The following MSH3 variants were observed in gnomAD, a reference collection of about 807,000 sequenced individuals.
The protein encoded by MSH3 is DNA mismatch repair protein Msh3.
A neutral mutation model predicts 123.3 loss-of-function variants in MSH3; 106 were observed. The ratio of observed to expected loss-of-function variants is 0.86; its 90% CI spans 0.73 to 1.01. The LOEUF is 1.01. MSH3 is among the 50% of genes least tolerant of loss of function. The probability of loss-of-function intolerance (pLI) is 0.00; values close to 1 mark genes in which losing one functional copy is unlikely to be tolerated. For synonymous variants in MSH3, 515 were observed against 481.4 expected (o/e 1.07, Z -0.91); for missense variants, 1,459 against 1,347.6 (o/e 1.08, Z -1.29).
At chr5:80,798,482 G>C (rs1471312810) in intron 19 of MSH3, among the ~76,000 whole-genome samples, 1 of 152,148 alleles carries the variant, frequency 6.6e-6, no homozygotes, top group East Asian at 1.9e-4. Flanking sequence ...TTCATAAGCT[G>C]TTGACAATTT....
At chr5:80,789,534 C>T (rs1744572878) in intron 18 of MSH3, among the ~76,000 whole-genome samples, 1 of 152,134 alleles carries the variant, frequency 6.6e-6, no homozygotes, top group South Asian at 2.1e-4. Flanking sequence ...CCACGCCTGG[C>T]TAATTTTCAT....
In MSH3 at chr5:80,787,680, A is replaced by G; in HGVS notation, c.2543+8A>G. On this transcript the variant is annotated splice_region_variant and intron_variant, in intron 18 of 23. Transcript: ENST00000265081. Reference sequence around the variant, plus strand: ...GCAAGGAGATTACTGCAGGTAAGATATTTTTCATTTTCCTCTTTATCAGTG... The same window carrying G: ...GCAAGGAGATTACTGCAGGTAAGATGTTTTTCATTTTCCTCTTTATCAGTG... 1 of 1,579,892 alleles carries G rather than the reference A, an allele frequency of 6.3e-7. No individual in the cohort carries two copies. The highest frequency in any genetic ancestry group is 8.7e-7 in the Non-Finnish European group (1 of 1,149,156).
chr5:80,870,846 T>C (rs1746200262), intron 22 of MSH3, among the ~76,000 whole-genome samples: 1 of 152,224 alleles, frequency 6.6e-6, no homozygotes, highest in Admixed American at 6.5e-5. Context: ...AGAAAAAGCT[T>C]TTAATAAACT....
chr5:80,835,910 CA>C (rs1021849930), intron 20 of MSH3, among the ~76,000 whole-genome samples: 13 of 142,004 alleles, frequency 9.2e-5, no homozygotes, highest in African/African-American at 7.8e-5. Flanking sequence ...GAGACTGTCT[CA>C]AAAAAAAAAG....
At chr5:80,780,251 T>C (rs1744386291) in intron 17 of MSH3, among the ~76,000 whole-genome samples, 1 of 152,238 alleles carries the variant, frequency 6.6e-6, no homozygotes, top group East Asian at 1.9e-4. Flanking sequence ...GATGTCAAGC[T>C]ACCACTGGAC....
rs186848930 is a variant in MSH3, at chr5:80,861,243, A to G, written c.3001-3570A>G. On this transcript the variant is annotated intron_variant, in intron 21 of 23. Transcript: ENST00000265081. Reference sequence around the variant, plus strand: ...TGCGACTTTTTCTTGACAGCTGGCTATGATGTATTGGGTAAAAGGAACTGC... The same window carrying G: ...TGCGACTTTTTCTTGACAGCTGGCTGTGATGTATTGGGTAAAAGGAACTGC... 1.1e-4 allele frequency among the ~76,000 whole-genome samples: 16 copies of G among 152,216 alleles called. No individual in the cohort carries two copies. The East Asian group carries it at 2.7e-3, about 26-fold the overall frequency.
Position 80,876,046 on chromosome 5 carries a change from C to T in MSH3, c.*184C>T. The T allele has an allele frequency of 1.7e-6, 1 of 600,354 alleles. No homozygotes were observed. The highest frequency in any genetic ancestry group is 2.8e-5 in the East Asian group (1 of 35,744). The allele number at this position is 600,354 out of a possible 1,614,324, so 37.2% of individuals were successfully genotyped here. ...CTTTTTCAAGTTTCTGTCTTCCTAACTTTTCTACGTATAAACACTCTTGAA... is the reference window on the plus strand; with the variant it reads ...CTTTTTCAAGTTTCTGTCTTCCTAATTTTTCTACGTATAAACACTCTTGAA... On this transcript the variant is annotated 3_prime_UTR_variant, in exon 24 of 24. Coordinates refer to ENST00000265081, the MANE Select transcript of MSH3 (RefSeq NM_002439.5).
intron 8 of MSH3, among the ~76,000 whole-genome samples, chr5:80,711,805 C>T (rs1750864438): frequency 6.6e-6 from 1 of 151,916 alleles, no homozygotes; most frequent in Non-Finnish European, 1.5e-5. Context: ...CAGGCCTGCA[C>T]CACCATACCC....
At position 80,801,658 on chromosome 5, in the gene MSH3, A is replaced by G. The variant is rs80284898; in HGVS notation, c.2655+8814A>G. On this transcript the variant is annotated intron_variant, in intron 19 of 23. Coordinates refer to ENST00000265081, the MANE Select transcript of MSH3 (RefSeq NM_002439.5). ...CCACTTTTCCCAGGTACTTCATGCA[A>G]ACGAATTCCACAACTTCTCATCTTC... Among the ~76,000 whole-genome samples the G allele has an allele frequency of 1.5e-3, 231 of 152,256 alleles. 1 individual carries two copies. Among genetic ancestry groups the G allele is most frequent in the African/African-American group, 5.3e-3 (222 of 41,542 alleles).
chr5:80,800,524 T>C (rs1397830450), intron 19 of MSH3, among the ~76,000 whole-genome samples: 1 of 152,248 alleles, frequency 6.6e-6, no homozygotes, highest in Non-Finnish European at 1.5e-5. Flanking sequence ...GCACGATCTT[T>C]CTAAAAGAGA....
chr5:80,707,586 G>C (rs1038072683), intron 8 of MSH3, among the ~76,000 whole-genome samples: 4 of 151,920 alleles, frequency 2.6e-5, no homozygotes, highest in Admixed American at 6.6e-5. Context: ...ACCCCAAAAA[G>C]CCAGATGTGG....
intron 2 of MSH3, 138 bp downstream of exon 2, chr5:80,656,669 C>T: frequency 2.6e-6 from 3 of 1,142,950 alleles, no homozygotes; most frequent in Non-Finnish European, 2.5e-6. Flanking sequence ...AGCAGAGTGG[C>T]CCCCTATAGG....
intron 21 of MSH3, among the ~76,000 whole-genome samples, chr5:80,858,191 C>A (rs1029610847): frequency 1.3e-5 from 2 of 151,990 alleles, no homozygotes; most frequent in African/African-American, 4.8e-5. Context: ...ACTACAGGCA[C>A]ATGCCACAAC....
chr5:80,771,248 C>T (rs1189904443), intron 15 of MSH3, among the ~76,000 whole-genome samples: 1 of 152,120 alleles, frequency 6.6e-6, no homozygotes, highest in East Asian at 1.9e-4. Context: ...CTTTGGGAAG[C>T]CAAGGCAGGA....
intron 10 of MSH3, among the ~76,000 whole-genome samples, chr5:80,734,698 C>G (rs1365334058): frequency 6.6e-6 from 1 of 152,150 alleles, no homozygotes; most frequent in African/African-American, 2.4e-5. Context: ...CATGGTCCCA[C>G]AGAGGTCCCT....
At chr5:80,674,325 C>T (rs907454032) in intron 6 of MSH3, among the ~76,000 whole-genome samples, 10 of 152,144 alleles carry the variant, frequency 6.6e-5, no homozygotes, top group Admixed American at 2.6e-4. Context: ...CACAGACATA[C>T]ATGCACATAT....
chr5:80,769,906 A>G (rs558347803), intron 15 of MSH3, among the ~76,000 whole-genome samples: 3 of 152,296 alleles, frequency 2.0e-5, no homozygotes, highest in South Asian at 2.1e-4. Flanking sequence ...ACATTAATTG[A>G]GAATGTTCAT....
At chr5:80,699,477 G>A (rs907451658) in intron 8 of MSH3, among the ~76,000 whole-genome samples, 1 of 143,440 alleles carries the variant, frequency 7.0e-6, no homozygotes, top group Admixed American at 7.4e-5. Flanking sequence ...AGAATGGCTT[G>A]AACCCGGGAG....
chr5:80,738,217 T>A (rs1743547545), intron 10 of MSH3, among the ~76,000 whole-genome samples: 1 of 152,068 alleles, frequency 6.6e-6, no homozygotes, highest in African/African-American at 2.4e-5. Flanking sequence ...AGATGAAGGC[T>A]GTAAGCCTTC....
Sources: gnomAD v4.1 joint callset for allele counts (sites outside exome capture counted in the v4.1 genomes callset) on GRCh38, gnomAD v4.1.1 for gene constraint, MANE v1.5 for transcripts, NCBI Gene and HGNC (gene_info 2026-07-23, HGNC 2026-07-21) for gene names.